BCR: variants seen among roughly 807,000 people sequenced by gnomAD.
The protein encoded by BCR is breakpoint cluster region protein.
A neutral mutation model predicts 138.6 loss-of-function variants in BCR; 58 were observed. That is an observed-to-expected ratio of 0.42 (90% confidence interval 0.34 to 0.52). The LOEUF is 0.52. BCR is among the 20% of genes least tolerant of loss of function. BCR has a pLI of 0.06. For missense variants in BCR, 1,599 were observed against 1,727.2 expected (o/e 0.93, Z 1.32); for synonymous variants, 786 against 730.1 (o/e 1.08, Z -1.23).
intron 1 of BCR, among the ~76,000 whole-genome samples, chr22:23,220,174 C>G (rs1006769058): frequency 6.6e-6 from 1 of 152,226 alleles, no homozygotes; most frequent in African/African-American, 2.4e-5. Flanking sequence ...GTGCTTGAAC[C>G]ACTTCACCCC....
intron 4 of BCR, among the ~76,000 whole-genome samples, chr22:23,267,333 G>A (rs1568963934): frequency 6.6e-6 from 1 of 152,102 alleles, no homozygotes; most frequent in Non-Finnish European, 1.5e-5. Context: ...CATGGCAGGG[G>A]CCTGGCAGGT....
At chr22:23,249,850 A>T (rs1046698135) in intron 1 of BCR, among the ~76,000 whole-genome samples, 3 of 152,182 alleles carry the variant, frequency 2.0e-5, no homozygotes, top group Non-Finnish European at 4.4e-5. Flanking sequence ...GGCAGGGATG[A>T]GCAGGCCATC....
intron 2 of BCR, among the ~76,000 whole-genome samples, chr22:23,257,717 C>T (rs181741141): frequency 0.01 from 1,552 of 152,302 alleles, 73 homozygotes; most frequent in Admixed American, 0.087. Flanking sequence ...CCCCACCCTA[C>T]GTGTATGTGC....
At position 23,215,770 on chromosome 22, in the gene BCR, G is replaced by A. The variant is rs567114716; in HGVS notation, c.1279+33531G>A. Among the ~76,000 whole-genome samples the A allele has an allele frequency of 2.0e-4, 30 of 152,216 alleles. No individual in the cohort carries two copies. The South Asian group carries it at 2.1e-3, about 11-fold the overall frequency. On this transcript the variant is annotated intron_variant, in intron 1 of 22. Coordinates refer to ENST00000305877, the MANE Select transcript of BCR (RefSeq NM_004327.4). ...TGGAAGGTCTAGTGGGGCCTTCTTC[G>A]TGGGTTGGGACAGTGGTTCTGCACC...
At chr22:23,282,517 C>A (rs1159032266) in intron 8 of BCR, among the ~76,000 whole-genome samples, 2 of 152,262 alleles carry the variant, frequency 1.3e-5, no homozygotes, top group African/African-American at 4.8e-5. Flanking sequence ...TGTCGGAGGA[C>A]TGGCCCAGGC....
At chr22:23,248,600 G>C (rs1439441672) in intron 1 of BCR, among the ~76,000 whole-genome samples, 3 of 151,990 alleles carry the variant, frequency 2.0e-5, no homozygotes, top group Non-Finnish European at 4.4e-5. Flanking sequence ...AGAGTTCTGG[G>C]GTTGGGTTGC....
intron 1 of BCR, chr22:23,242,698 T>C: frequency 3.4e-6 from 1 of 297,704 alleles, no homozygotes; most frequent in Non-Finnish European, 6.8e-6. Flanking sequence ...GGGGCTGGGT[T>C]ATCTCTGTCC....
At chr22:23,278,997 A>G (rs1157591316) in intron 8 of BCR, among the ~76,000 whole-genome samples, 1 of 152,176 alleles carries the variant, frequency 6.6e-6, no homozygotes, top group Non-Finnish European at 1.5e-5. Flanking sequence ...TCCTTCCAGG[A>G]GCGTGGGCAC....
chr22:23,277,609 C>T (rs2146293330), intron 8 of BCR, among the ~76,000 whole-genome samples: 2 of 152,258 alleles, frequency 1.3e-5, no homozygotes. Flanking sequence ...TTCTGTTGGC[C>T]TGGGTGTTTC....
chr22:23,268,336 G>A lies in BCR; in HGVS notation c.1753-72G>A, dbSNP rs1001989986. 8.8e-5 allele frequency: 113 copies of A among 1,280,996 alleles called. No individual in the cohort carries two copies. The African/African-American group carries it at 1.1e-3, about 13-fold the overall frequency. The allele number at this position is 1,280,996 out of a possible 1,614,324, so 79.4% of individuals were successfully genotyped here. The stretch of plus-strand genomic sequence containing the variant: ...CTGGAGTTTCTGCAGAGCTGTGCAC[G>A]GGAGCCTGCTCTTCAGAAAGATGGG... On this transcript the variant is annotated intron_variant, in intron 4 of 22. Coordinates refer to ENST00000305877, the MANE Select transcript of BCR (RefSeq NM_004327.4).
At chr22:23,226,798 A>G (rs1315373954) in intron 1 of BCR, among the ~76,000 whole-genome samples, 1 of 152,214 alleles carries the variant, frequency 6.6e-6, no homozygotes, top group African/African-American at 2.4e-5. Flanking sequence ...GCTTTAGGAT[A>G]AAACAGAGAA....
intron 8 of BCR, among the ~76,000 whole-genome samples, chr22:23,281,890 G>C (rs1242543674): frequency 6.6e-6 from 1 of 152,232 alleles, no homozygotes; most frequent in Non-Finnish European, 1.5e-5. Flanking sequence ...AAGGCCGAGG[G>C]TGCCCCTTAG....
chr22:23,283,928 A>G, intron 8 of BCR, 49 bp from the exon 9 acceptor site: 1 of 1,521,598 alleles, frequency 6.6e-7, no homozygotes, highest in Admixed American at 2.2e-5. Context: ...AACACCCCCC[A>G]CCCATCACCC....
At chr22:23,302,114 G>T (rs189809470) in intron 16 of BCR, among the ~76,000 whole-genome samples, 1 of 151,988 alleles carries the variant, frequency 6.6e-6, no homozygotes, top group African/African-American at 2.4e-5. Context: ...AGCCTCTATC[G>T]TGCAAGAAGG....
intron 2 of BCR, among the ~76,000 whole-genome samples, chr22:23,255,799 C>A (rs1377628705): frequency 6.6e-6 from 1 of 152,238 alleles, no homozygotes; most frequent in Non-Finnish European, 1.5e-5. Flanking sequence ...CTGCTTCTGC[C>A]CTCACAGGAG....
chr22:23,291,777 G>C (rs910857815), intron 14 of BCR, among the ~76,000 whole-genome samples: 7 of 152,162 alleles, frequency 4.6e-5, no homozygotes, highest in Admixed American at 2.6e-4. Context: ...CAGAAACCGT[G>C]GTCTGCTCTC....
intron 1 of BCR, among the ~76,000 whole-genome samples, chr22:23,230,966 CG>C (rs2072951451): frequency 1.3e-5 from 2 of 152,166 alleles, no homozygotes; most frequent in African/African-American, 4.8e-5. Flanking sequence ...AACCATCTAA[CG>C]GGGCCCGACT....
At position 23,261,164 on chromosome 22, in the gene BCR, C is replaced by T. The variant is rs1262421408; in HGVS notation, c.1566+110C>T. The T allele has an allele frequency of 3.9e-6, 5 of 1,278,520 alleles. No individual in the cohort carries two copies. The South Asian group carries it at 5.1e-5, about 13-fold the overall frequency. The allele number at this position is 1,278,520 out of a possible 1,614,324, so 79.2% of individuals were successfully genotyped here. ...CAGCTGTCAGAGCCTGGGTGCAGCT[C>T]GCCATCCCTGGAGTGGATACCAGTG... On this transcript the variant is annotated intron_variant, in intron 3 of 22. Coordinates refer to ENST00000305877, the MANE Select transcript of BCR (RefSeq NM_004327.4).
intron 4 of BCR, chr22:23,264,258 A>G: frequency 1.1e-6 from 1 of 943,478 alleles, no homozygotes. Flanking sequence ...GCTGACGTCG[A>G]CCCGCCTCGG....
Sources: allele counts gnomAD v4.1 joint callset (sites outside exome capture counted in the v4.1 genomes callset), GRCh38; gene constraint gnomAD v4.1.1; transcripts MANE v1.5; gene names NCBI Gene and HGNC (gene_info 2026-07-23, HGNC 2026-07-21).